The following KHDRBS2 variants were observed in gnomAD, a reference collection of about 807,000 sequenced individuals.
KHDRBS2 encodes KH RNA binding domain containing, signal transduction associated 2.
In KHDRBS2, 26 loss-of-function variants were observed where a neutral mutation model predicts 44.3. The observed-to-expected ratio is 0.59, with a 90% CI of 0.43 to 0.81. KHDRBS2 has a LOEUF of 0.81. Among genes scored for constraint, KHDRBS2 ranks in the 40% least tolerant of loss-of-function variants. KHDRBS2 has a pLI of 0.00. For synonymous variants in KHDRBS2, 194 were observed against 151.1 expected (o/e 1.28, Z -2.08); for missense variants, 476 against 433.1 (o/e 1.10, Z -0.88).
At chr6:62,074,656 T>A (rs1795973835) in intron 2 of KHDRBS2, among the ~76,000 whole-genome samples, 1 of 151,876 alleles carries the variant, frequency 6.6e-6, no homozygotes, top group South Asian at 2.1e-4. Context: ...TTTTAAAAAA[T>A]ATATATGTTA....
intron 4 of KHDRBS2, among the ~76,000 whole-genome samples, chr6:61,933,793 T>G (rs989621349): frequency 3.3e-5 from 5 of 152,208 alleles, no homozygotes; most frequent in African/African-American, 4.8e-5. Flanking sequence ...AATATTGTTA[T>G]GCAGTATATT....
chr6:62,202,928 A>G (rs531023056), intron 1 of KHDRBS2, among the ~76,000 whole-genome samples: 30 of 152,282 alleles, frequency 2.0e-4, no homozygotes, highest in African/African-American at 6.5e-4. Context: ...AAAAGGTCAT[A>G]GCAACTATAA....
chr6:61,714,853 A>G (rs1771119697), intron 7 of KHDRBS2, among the ~76,000 whole-genome samples: 1 of 151,828 alleles, frequency 6.6e-6, no homozygotes. Flanking sequence ...ATATGTACCC[A>G]TGGATGTAGA....
chr6:61,782,738 T>TACACAC (rs1400123799), intron 6 of KHDRBS2, among the ~76,000 whole-genome samples: 24 of 117,882 alleles, frequency 2.0e-4, no homozygotes, highest in Non-Finnish European at 2.2e-4. Flanking sequence ...TATATATATA[T>TACACAC]ACACACACAC....
chr6:61,584,017 GC>G, the KHDRBS2 span, among the ~76,000 whole-genome samples: 2 of 151,392 alleles, frequency 1.3e-5, no homozygotes, highest in African/African-American at 2.4e-5. Flanking sequence ...ATTTTTCATT[GC>G]TAGCATACAT....
intron 6 of KHDRBS2, among the ~76,000 whole-genome samples, chr6:61,785,313 G>C (rs1479024999): frequency 6.6e-6 from 1 of 151,778 alleles, no homozygotes; most frequent in Non-Finnish European, 1.5e-5. Context: ...CAACAAAAAT[G>C]GCCAATAACC....
intron 4 of KHDRBS2, among the ~76,000 whole-genome samples, chr6:61,974,171 A>T (rs1772004825): frequency 6.6e-6 from 1 of 152,176 alleles, no homozygotes; most frequent in Non-Finnish European, 1.5e-5. Context: ...AGGAAAATAA[A>T]ACAGTGTTAT....
At chr6:61,992,803 CA>C (rs1214614683) in intron 3 of KHDRBS2, among the ~76,000 whole-genome samples, 1 of 152,184 alleles carries the variant, frequency 6.6e-6, no homozygotes, top group Non-Finnish European at 1.5e-5. Flanking sequence ...ATGAAGGACA[CA>C]GAAATTTGAC....
At chr6:61,751,069 T>C (rs1777617010) in intron 6 of KHDRBS2, among the ~76,000 whole-genome samples, 1 of 152,126 alleles carries the variant, frequency 6.6e-6, no homozygotes, top group Non-Finnish European at 1.5e-5. Context: ...CTTGCATAAA[T>C]TATTCCATTT....
chr6:61,859,489 C>G (rs1185384854), intron 6 of KHDRBS2, among the ~76,000 whole-genome samples: 1 of 151,692 alleles, frequency 6.6e-6, no homozygotes, highest in Non-Finnish European at 1.5e-5. Flanking sequence ...AAAAGTCGCC[C>G]ATTTATATGG....
the KHDRBS2 span, among the ~76,000 whole-genome samples, chr6:61,593,460 C>T: frequency 7.7e-6 from 1 of 130,140 alleles, no homozygotes; most frequent in South Asian, 2.6e-4. Flanking sequence ...AATCTCATTA[C>T]AAATGTACTA....
At chr6:61,702,593 G>T (rs1194283493) in intron 7 of KHDRBS2, among the ~76,000 whole-genome samples, 1 of 151,916 alleles carries the variant, frequency 6.6e-6, no homozygotes, top group Non-Finnish European at 1.5e-5. Flanking sequence ...ACTGAAACTA[G>T]AGATCATTGT....
chr6:61,826,207 T>G (rs1481923083), intron 6 of KHDRBS2, among the ~76,000 whole-genome samples: 2 of 152,090 alleles, frequency 1.3e-5, no homozygotes, highest in African/African-American at 4.8e-5. Flanking sequence ...TAGTTAAAAT[T>G]TGTCTCATCC....
chr6:61,900,951 A>C (rs1224395624), intron 5 of KHDRBS2, among the ~76,000 whole-genome samples: 2 of 152,192 alleles, frequency 1.3e-5, no homozygotes, highest in Non-Finnish European at 2.9e-5. Flanking sequence ...AAAGTATAAA[A>C]TGTGAATTCT....
the KHDRBS2 span, among the ~76,000 whole-genome samples, chr6:61,666,865 A>T: frequency 6.6e-6 from 1 of 151,364 alleles, no homozygotes; most frequent in African/African-American, 2.4e-5. Flanking sequence ...ATCAAATAGT[A>T]GAATCCTCCA....
intron 3 of KHDRBS2, among the ~76,000 whole-genome samples, chr6:61,985,532 T>A (rs1440637230): frequency 6.6e-6 from 1 of 152,086 alleles, no homozygotes; most frequent in Non-Finnish European, 1.5e-5. Context: ...AAGAGGAAGT[T>A]TTCAAATGTT....
intron 3 of KHDRBS2, among the ~76,000 whole-genome samples, chr6:62,044,840 G>A (rs1353421286): frequency 1.3e-5 from 2 of 152,106 alleles, no homozygotes; most frequent in Non-Finnish European, 2.9e-5. Flanking sequence ...GTTGAGAAGA[G>A]GATTCTGAGA....
Position 62,286,090 on chromosome 6 carries a change from G to T in KHDRBS2, c.-142C>A. On this transcript the variant is annotated 5_prime_UTR_variant, in exon 1 of 9. Transcript: ENST00000281156. The stretch of plus-strand genomic sequence containing the variant: ...TCTCTGTGCGTCCTCACTGGCCCAT[G>T]CACCCAGCACCTGCGACTCCCGCCG... 1 of 607,992 alleles carries T rather than the reference G, an allele frequency of 1.6e-6. No homozygotes were observed. The highest frequency in any genetic ancestry group is 2.9e-6 in the Non-Finnish European group (1 of 344,978). The allele number at this position is 607,992 out of a possible 1,614,324, so 37.7% of individuals were successfully genotyped here.
chr6:61,751,717 G>T (rs1277659278), intron 6 of KHDRBS2, among the ~76,000 whole-genome samples: 1 of 152,190 alleles, frequency 6.6e-6, no homozygotes, highest in Non-Finnish European at 1.5e-5. Flanking sequence ...AGAAGCTAGA[G>T]AAAGTATTAA....
Sources: allele counts gnomAD v4.1 joint callset (sites outside exome capture counted in the v4.1 genomes callset), GRCh38; gene constraint gnomAD v4.1.1; transcripts MANE v1.5; gene names NCBI Gene and HGNC (gene_info 2026-07-23, HGNC 2026-07-21).